The following TTN variants were observed in gnomAD, a reference collection of about 807,000 sequenced individuals.
TTN encodes connectin.
In TTN, 1,525 loss-of-function variants were observed where a neutral mutation model predicts 3,223.0. That is an observed-to-expected ratio of 0.47 (90% CI 0.45 to 0.49). The LOEUF (loss-of-function observed/expected upper bound fraction) is 0.49, where lower values mean the gene tolerates loss of function less well. TTN is among the 20% of genes least tolerant of loss of function. The pLI is 0.00. For synonymous variants in TTN, 14,094 were observed against 15,161.0 expected (o/e 0.93, Z 5.17); for missense variants, 40,786 against 43,424.0 (o/e 0.94, Z 5.40).
In TTN at chr2:178,749,176, T is replaced by A. The variant is rs1363321368; in HGVS notation, c.11311+3948A>T. 1.9e-6 allele frequency: 3 copies of A among 1,611,580 alleles called. No individual in the cohort carries two copies. In the African/African-American group the frequency reaches 4.0e-5, roughly 22 times the overall value. On this transcript the variant is annotated intron_variant, in intron 47 of 362. Transcript: ENST00000589042. ...CACTTTGGGCACATTCTTGTACATT[T>A]TCCTTTTCTGATCTACCAAGTTTTC...
chr2:178,756,926 T>C (rs993881521), intron 45 of TTN, 129 bp from the exon 46 acceptor site: 1 of 799,508 alleles, frequency 1.3e-6, no homozygotes, highest in African/African-American at 1.7e-5. Context: ...GAAAGCAGCA[T>C]GCCAGATGCA....
rs764466989 is a variant in TTN at position 178,739,616 on chromosome 2, G to A, written c.13617C>T (p.Asn4539=). Residue 4539 remains asparagine (N), a synonymous_variant, in exon 48 of 363, where the codon AAC becomes AAT. Coordinates refer to ENST00000589042, the MANE Select transcript of TTN (RefSeq NM_001267550.2). ...CCAAATATTTAACCCTACTTTGCACGTTAAAATAACTGACCTCTTCAGTTG... is the reference window on the plus strand; with the variant it reads ...CCAAATATTTAACCCTACTTTGCACATTAAAATAACTGACCTCTTCAGTTG... The part of the protein sequence containing the change: ...LISTEEVSYF[N]VQSRVKYLDA... 21 of 1,613,764 alleles carry A rather than the reference G, an allele frequency of 1.3e-5. No individual in the cohort carries two copies. The highest frequency in any genetic ancestry group is 4.5e-5 in the East Asian group (2 of 44,826).
intron 73 of TTN, 66 bp downstream of exon 73, chr2:178,723,790 C>A: frequency 6.5e-7 from 1 of 1,538,180 alleles, no homozygotes; most frequent in South Asian, 1.3e-5. Context: ...AAATGTTTGT[C>A]AACATAGATG....
In TTN at chr2:178,633,854, G is replaced by T; in HGVS notation, c.42645C>A (p.Val14215=). 1.2e-6 allele frequency: 2 copies of T among 1,613,346 alleles called. No individual in the cohort carries two copies. The highest frequency in any genetic ancestry group is 2.2e-5 in the South Asian group (2 of 91,064). ...LDDISQIKAQ[V]KELSSTAQLK... is the part of the protein sequence containing the mutation. ...GCTGTGCTGTGGAGCTCAGCTCCTT[G>T]ACTTGAGCTTTTATCTGAGATATAT... Residue 14215 remains valine, a synonymous_variant, in exon 231 of 363, where the codon GTC becomes GTA. Coordinates refer to ENST00000589042, the MANE Select transcript of TTN (RefSeq NM_001267550.2).
At chr2:178,769,342 C>T (rs1228747966) in intron 37 of TTN, among the ~76,000 whole-genome samples, 8 of 151,982 alleles carry the variant, frequency 5.3e-5, no homozygotes, top group African/African-American at 1.5e-4. Flanking sequence ...CAGCCTTGGC[C>T]TTCTGGGCCC....
chr2:178,797,376 TTCA>T (rs543848896), intron 6 of TTN, among the ~76,000 whole-genome samples: 1 of 123,488 alleles, frequency 8.1e-6, no homozygotes. Context: ...AGCATTTTTT[TTCA>T]CATGTTTATT....
Position 178,689,814 on chromosome 2 carries a change from TTTAG to T in TTN, c.31841_31844del (p.Ala10614GlufsTer10), listed in dbSNP as rs755637375. On this transcript the variant is annotated frameshift_variant and splice_region_variant, in exon 122 of 363. Coordinates refer to ENST00000589042, the MANE Select transcript of TTN (RefSeq NM_001267550.2). LOFTEE classifies it high-confidence loss of function. ...GCTTTACGTCGAAAGCCACTGTACC[TTTAG>T]CTGGGGGAGCTTCCTTTTTCTTTGC... 1.2e-6 allele frequency: 2 copies of T among 1,608,386 alleles called. No homozygotes were observed. The highest frequency in any genetic ancestry group is 1.7e-6 in the Non-Finnish European group (2 of 1,178,470).
rs2154346866 is a variant in TTN at position 178,777,917 on chromosome 2, A to G, written c.4267T>C (p.Ser1423Pro). The G allele has an allele frequency of 6.2e-7, 1 of 1,614,026 alleles. No homozygotes were observed. The highest frequency in any genetic ancestry group is 2.2e-5 in the East Asian group (1 of 44,852). ...SPIRMSPARM[S>P]PARMSPARMS... ...CGTGCAGGAGACATCCTTGCAGGTG[A>G]CATCCGTGCAGGAGACATGCGTATA... Residue 1423 changes from serine (S) to proline (P), a missense_variant, in exon 25 of 363, where the codon TCA (serine) becomes CCA (proline). Ser to Pro is a moderately conservative substitution (Grantham distance 74). Transcript: ENST00000589042.
rs748463493 is a variant in TTN at position 178,779,462 on chromosome 2, C to T, written c.3730G>A (p.Glu1244Lys). 3 of 1,495,230 alleles carry T rather than the reference C, an allele frequency of 2.0e-6. No homozygotes were observed. Among genetic ancestry groups the T allele is most frequent in the Non-Finnish European group, 2.8e-6 (3 of 1,078,130 alleles). 92.6% of individuals were successfully genotyped at this position (1,495,230 alleles called of 1,614,324 possible). A position where few individuals can be genotyped will look rare whatever the true frequency, so the allele number is the denominator to read the frequency against. Residue 1244 changes from glutamate to lysine, a missense_variant and splice_region_variant, in exon 23 of 363, where the codon GAA (glutamate) becomes AAA (lysine). Glu to Lys is a moderately conservative substitution (Grantham distance 56, BLOSUM62 1). Coordinates refer to ENST00000589042, the MANE Select transcript of TTN (RefSeq NM_001267550.2). The stretch of plus-strand genomic sequence containing the variant: ...TCTTCAAAGGAAGAAATATGGAATT[C>T]CTATGCAAAAAGATTATGGTCTGTT... Reference protein sequence around the residue: ...VVVRTYVEDQEFHISSFEERL... With the variant: ...VVVRTYVEDQKFHISSFEERL...
rs777440731 is a variant in TTN, at chr2:178,561,501, C to T, written c.84631G>A (p.Asp28211Asn). The change falls in exon 326 of 363, where the codon GAT (aspartate) becomes AAT (asparagine). Residue 28211 changes from aspartate to asparagine, a missense_variant. Coordinates refer to ENST00000589042, the MANE Select transcript of TTN (RefSeq NM_001267550.2). Reference sequence around the variant, plus strand: ...AGGCCGGAGACTTTCATTTGAGTATCAGCAATGAGGATTTTATTTGCTTTT... The same window carrying T: ...AGGCCGGAGACTTTCATTTGAGTATTAGCAATGAGGATTTTATTTGCTTTT... Reference protein sequence around the residue: ...WSKANKILIADTQMKVSGLDE... With the variant: ...WSKANKILIANTQMKVSGLDE... 1 of 1,613,536 alleles carries T rather than the reference C, an allele frequency of 6.2e-7. No homozygotes were observed. Among genetic ancestry groups the T allele is most frequent in the East Asian group, 2.2e-5 (1 of 44,814 alleles).
intron 211 of TTN, 57 bp downstream of exon 211, chr2:178,649,760 G>A: frequency 6.4e-7 from 1 of 1,570,666 alleles, no homozygotes; most frequent in Non-Finnish European, 8.7e-7. Flanking sequence ...CACACAATAA[G>A]AAGAGTGTAA....
chr2:178,705,266 A>G lies in TTN; in HGVS notation c.29512T>C (p.Tyr9838His), dbSNP rs1452015306. 3 of 1,613,562 alleles carry G rather than the reference A, an allele frequency of 1.9e-6. No homozygotes were observed. The highest frequency in any genetic ancestry group is 2.5e-6 in the Non-Finnish European group (3 of 1,179,708). Residue 9838 changes from tyrosine to histidine, a missense_variant, in exon 103 of 363, where the codon TAT becomes CAT. Coordinates refer to ENST00000589042, the MANE Select transcript of TTN (RefSeq NM_001267550.2). Reference protein sequence around the residue: ...KNVDPKEYEKYARMYGITDFR... With the variant: ...KNVDPKEYEKHARMYGITDFR... Reference sequence around the variant, plus strand: ...TCAGTGATTCCATACATGCGGGCATATTTTTCATATTCTTTAGGATCAACA... The same window carrying G: ...TCAGTGATTCCATACATGCGGGCATGTTTTTCATATTCTTTAGGATCAACA...
rs1433111553 is a variant in TTN at position 178,577,286 on chromosome 2, C to T, written c.69049G>A (p.Glu23017Lys). 6.2e-7 allele frequency: 1 copy of T among 1,612,800 alleles called. No homozygotes were observed. The highest frequency in any genetic ancestry group is 1.7e-5 in the Admixed American group (1 of 59,874). The change falls in exon 324 of 363, where the codon GAA (glutamate) becomes AAA (lysine). Residue 23017 changes from glutamate to lysine, a missense_variant. Coordinates refer to ENST00000589042, the MANE Select transcript of TTN (RefSeq NM_001267550.2). ...GGATTGGTAGCAGTGATGGTATATT[C>T]ACCCGCATCTTTTCTAGTGGCATAC... is the stretch of plus-strand genomic sequence containing the variant. ...IKYATRKDAG[E>K]YTITATNPFG...
At position 178,566,077 on chromosome 2, in the gene TTN, T is replaced by G; in HGVS notation, c.80055A>C (p.Gly26685=). ...CTTTGACTGCCAAATTCTGTGGTGG[T>G]CCTGGAGTGTCAAGAACTTTCACAG... ...FVTVKVLDTP[G]PPQNLAVKEV... The change falls in exon 326 of 363, where the codon GGA becomes GGC. Residue 26685 remains glycine (G), a synonymous_variant. Transcript: ENST00000589042. 1 of 1,613,664 alleles carries G rather than the reference T, an allele frequency of 6.2e-7. No individual in the cohort carries two copies. The highest frequency in any genetic ancestry group is 8.5e-7 in the Non-Finnish European group (1 of 1,179,666).
intron 220 of TTN, 95 bp from the exon 221 acceptor site, chr2:178,640,725 TG>T: frequency 9.7e-7 from 1 of 1,028,802 alleles, no homozygotes; most frequent in Non-Finnish European, 1.4e-6. Context: ...ACTCTATGGA[TG>T]GTTTTTTAAA....
At chr2:178,632,081 G>T in intron 236 of TTN, 66 bp downstream of exon 236, 1 of 1,462,294 alleles carries the variant, frequency 6.8e-7, no homozygotes, top group Non-Finnish European at 9.1e-7. Flanking sequence ...CTATTTTATA[G>T]AATAGATACT....
At chr2:178,615,189 A>G in intron 259 of TTN, 118 bp downstream of exon 259, 1 of 1,271,308 alleles carries the variant, frequency 7.9e-7, no homozygotes, top group Non-Finnish European at 1.1e-6. Context: ...AATCAGACAG[A>G]TACACCGGCA....
chr2:178,705,375 AG>A lies in TTN; in HGVS notation c.29421-19del, dbSNP rs1064795938. On this transcript the variant is annotated intron_variant, in intron 102 of 362. Transcript: ENST00000589042. ...TTGGAGTCCTAAATAAAATTTAAAA[AG>A]TAAGGATAAAACACCTGTCTTCTAC... 13 of 1,505,724 alleles carry A rather than the reference AG, an allele frequency of 8.6e-6. No homozygotes were observed. In the African/African-American group the frequency reaches 1.5e-4, roughly 18 times the overall value. 93.3% of individuals were successfully genotyped at this position (1,505,724 alleles called of 1,614,324 possible).
At position 178,634,411 on chromosome 2, in the gene TTN, C is replaced by A. The variant is rs753046446; in HGVS notation, c.42370G>T (p.Ala14124Ser). 2 of 1,611,988 alleles carry A rather than the reference C, an allele frequency of 1.2e-6. No homozygotes were observed. The highest frequency in any genetic ancestry group is 1.7e-6 in the Non-Finnish European group (2 of 1,179,270). The change falls in exon 230 of 363, where the codon GCT (alanine) becomes TCT (serine). Residue 14124 changes from alanine to serine, a missense_variant. Physicochemically the swap from Ala to Ser is moderately conservative, Grantham distance 99. Coordinates refer to ENST00000589042, the MANE Select transcript of TTN (RefSeq NM_001267550.2). The surrounding 1 kb of genome is among the most constrained non-coding windows in gnomAD (Gnocchi z 4.6). The part of the protein sequence containing the change: ...SQFDDEGVYT[A>S]EVEGKKTSAR... Reference sequence around the variant, plus strand: ...GAGGTCTTCTTGCCCTCCACCTCAGCAGTATAGACCCCTTCATCATCAAAT... The same window carrying A: ...GAGGTCTTCTTGCCCTCCACCTCAGAAGTATAGACCCCTTCATCATCAAAT...
Sources: gnomAD v4.1 joint callset for allele counts (sites outside exome capture counted in the v4.1 genomes callset) on GRCh38, gnomAD v4.1.1 for gene constraint, Gnocchi (gnomAD v3.1) non-coding constraint, MANE v1.5 for transcripts, NCBI Gene and HGNC (gene_info 2026-07-23, HGNC 2026-07-21) for gene names.